CCDC3: variants seen among roughly 807,000 people sequenced by gnomAD.
CCDC3 encodes coiled-coil domain containing 3, also known as coiled-coil domain-containing protein 3.
In CCDC3, 24 loss-of-function variants were observed where a neutral mutation model predicts 21.4. The observed-to-expected ratio is 1.12, with a 90% CI of 0.81 to 1.58. The LOEUF (loss-of-function observed/expected upper bound fraction) is 1.58, where lower values mean the gene tolerates loss of function less well. CCDC3 is among the 40% of genes most tolerant of loss of function. The pLI is 0.00. For synonymous variants in CCDC3, 186 were observed against 166.0 expected (o/e 1.12, Z -0.93); for missense variants, 425 against 360.9 (o/e 1.18, Z -1.44).
In CCDC3 at chr10:12,914,186, G is replaced by T. The variant is rs1834312363; in HGVS notation, c.550-15507C>A. Among the ~76,000 whole-genome samples the T allele has an allele frequency of 2.0e-5, 3 of 152,188 alleles. No homozygotes were observed. The South Asian group carries it at 6.2e-4, about 32-fold the overall frequency. ...TTCTTTAAATGTTTGGTAGAATTTAGTAGCAAAGCCATCAGATCCTGTGAT... is the reference window on the plus strand; with the variant it reads ...TTCTTTAAATGTTTGGTAGAATTTATTAGCAAAGCCATCAGATCCTGTGAT... On this transcript the variant is annotated intron_variant, in intron 2 of 2. Transcript: ENST00000378825.
chr10:13,025,986 G>A (rs1836209434), intron 5 of CCDC3, among the ~76,000 whole-genome samples: 1 of 152,096 alleles, frequency 6.6e-6, no homozygotes, highest in African/African-American at 2.4e-5. Context: ...TTCAAGACCA[G>A]CCTGGCCAAC....
At chr10:13,070,987 A>G (rs1836875027) in intron 4 of CCDC3, among the ~76,000 whole-genome samples, 1 of 152,182 alleles carries the variant, frequency 6.6e-6, no homozygotes, top group South Asian at 2.1e-4. Context: ...TGCAGCTCAG[A>G]AAAAAACAAA....
intron 2 of CCDC3, among the ~76,000 whole-genome samples, chr10:12,990,552 C>T (rs1835665851): frequency 2.0e-5 from 3 of 152,174 alleles, no homozygotes; most frequent in Admixed American, 2.0e-4. Flanking sequence ...AAGCTTGTCA[C>T]TTCAAAGAAA....
chr10:12,905,724 G>A (rs747011678), intron 2 of CCDC3, among the ~76,000 whole-genome samples: 7 of 151,204 alleles, frequency 4.6e-5, no homozygotes, highest in Non-Finnish European at 5.9e-5. Flanking sequence ...TTCCCAGCAC[G>A]ACTGACTGTT....
chr10:13,066,211 A>G (rs923698603), intron 4 of CCDC3, among the ~76,000 whole-genome samples: 2 of 152,002 alleles, frequency 1.3e-5, no homozygotes, highest in Non-Finnish European at 2.9e-5. Flanking sequence ...AAACTGGAGT[A>G]CAATGGTACG....
rs757620054 is a variant in CCDC3, at chr10:12,898,696, C to T, written c.550-17G>A. 4 of 1,612,446 alleles carry T rather than the reference C, an allele frequency of 2.5e-6. No homozygotes were observed. In the South Asian group the frequency reaches 3.3e-5, roughly 13 times the overall value. ...GCACATGAGCTGGAGGCAGAGACAG[C>T]GTGCAAGGAGAGGAGGTGAGTCCCA... On this transcript the variant is annotated splice_polypyrimidine_tract_variant and intron_variant, in intron 2 of 2. Coordinates refer to ENST00000378825, the MANE Select transcript of CCDC3 (RefSeq NM_031455.4).
intron 2 of CCDC3, among the ~76,000 whole-genome samples, chr10:12,958,725 C>T (rs1300507146): frequency 6.6e-6 from 1 of 152,206 alleles, no homozygotes; most frequent in Non-Finnish European, 1.5e-5. Flanking sequence ...GCCACTGAAG[C>T]TCCTCTCCTC....
At chr10:12,985,491 C>G (rs1835573677) in intron 2 of CCDC3, among the ~76,000 whole-genome samples, 1 of 152,206 alleles carries the variant, frequency 6.6e-6, no homozygotes, top group Non-Finnish European at 1.5e-5. Flanking sequence ...TTCACCGCAA[C>G]TTTATTCGTA....
At chr10:12,998,265 T>C in intron 2 of CCDC3, 73 bp downstream of exon 2, 1 of 1,514,676 alleles carries the variant, frequency 6.6e-7, no homozygotes, top group Non-Finnish European at 9.0e-7. Context: ...CTTGATTCCT[T>C]TGGTCACAAA....
At chr10:13,084,754 A>T (rs188545067) in intron 3 of CCDC3, among the ~76,000 whole-genome samples, 2 of 152,296 alleles carry the variant, frequency 1.3e-5, no homozygotes, top group Admixed American at 1.3e-4. Flanking sequence ...GCCAGCAATC[A>T]GTGGATTACA....
chr10:13,037,444 T>G (rs1474033262), intron 5 of CCDC3, among the ~76,000 whole-genome samples: 2 of 152,216 alleles, frequency 1.3e-5, no homozygotes, highest in Non-Finnish European at 2.9e-5. Context: ...AATAATCTTT[T>G]TACCATAGGT....
chr10:13,028,333 G>A (rs989594129), intron 5 of CCDC3, among the ~76,000 whole-genome samples: 4 of 152,098 alleles, frequency 2.6e-5, no homozygotes, highest in South Asian at 4.2e-4. Context: ...ACATGATTGT[G>A]AGGCCTCCCC....
intron 2 of CCDC3, among the ~76,000 whole-genome samples, chr10:12,981,404 C>T (rs1359793759): frequency 6.6e-6 from 1 of 151,830 alleles, no homozygotes; most frequent in Admixed American, 6.6e-5. Flanking sequence ...AGGCTGGTCT[C>T]AGAACTCCTG....
chr10:12,955,573 G>T (rs990092390), intron 2 of CCDC3, among the ~76,000 whole-genome samples: 15 of 152,018 alleles, frequency 9.9e-5, no homozygotes, highest in African/African-American at 3.4e-4. Flanking sequence ...TTCTTTGAGA[G>T]ACAGGGTCTT....
intron 3 of CCDC3, among the ~76,000 whole-genome samples, chr10:13,091,861 C>CT (rs1404530571): frequency 5.9e-3 from 6 of 1,012 alleles, no homozygotes; most frequent in Non-Finnish European, 0.062. Context: ...GCTGGCAGAT[C>CT]CTGAAATCCC....
At chr10:13,030,106 C>T (rs893941574) in intron 5 of CCDC3, among the ~76,000 whole-genome samples, 7 of 152,154 alleles carry the variant, frequency 4.6e-5, no homozygotes, top group Non-Finnish European at 1.0e-4. Context: ...GTTGGGTTAT[C>T]CACAAAGGGA....
intron 2 of CCDC3, among the ~76,000 whole-genome samples, chr10:12,943,111 C>A (rs770448811): frequency 1.3e-5 from 2 of 151,928 alleles, no homozygotes; most frequent in African/African-American, 4.8e-5. Flanking sequence ...TTGGCTTAAG[C>A]GCTTATATAA....
chr10:13,059,242 A>G (rs560813631), intron 4 of CCDC3, among the ~76,000 whole-genome samples: 1 of 152,310 alleles, frequency 6.6e-6, no homozygotes, highest in Admixed American at 6.5e-5. Context: ...CACCTATGGA[A>G]GATGGCAGAG....
At chr10:13,063,692 G>C (rs1836789612) in intron 4 of CCDC3, among the ~76,000 whole-genome samples, 1 of 152,156 alleles carries the variant, frequency 6.6e-6, no homozygotes. Flanking sequence ...CAAACTCATG[G>C]AAACTCTGGG....
Sources: gnomAD v4.1 joint callset for allele counts (sites outside exome capture counted in the v4.1 genomes callset) on GRCh38, gnomAD v4.1.1 for gene constraint, MANE v1.5 for transcripts, NCBI Gene and HGNC (gene_info 2026-07-23, HGNC 2026-07-21) for gene names.